SRGAP3: variants seen among roughly 807,000 people sequenced by gnomAD.
The protein encoded by SRGAP3 is SLIT-ROBO Rho GTPase activating protein 3, also known as SLIT-ROBO Rho GTPase-activating protein 3.
In SRGAP3, 39 loss-of-function variants were observed where a neutral mutation model predicts 121.1. The observed-to-expected ratio is 0.32, with a 90% CI of 0.25 to 0.42. The LOEUF (loss-of-function observed/expected upper bound fraction) is 0.42. Among genes scored for constraint, SRGAP3 ranks in the 10% least tolerant of loss-of-function variants. SRGAP3 has a pLI of 1.00. For synonymous variants in SRGAP3, 601 were observed against 570.0 expected, an observed-to-expected ratio of 1.05 and a Z score of -0.77; for missense variants, 1,213 against 1,470.6, an observed-to-expected ratio of 0.82 and a Z score of 2.86.
intron 18 of SRGAP3, chr3:9,008,245 C>T (rs190931146): frequency 2.5e-4 from 38 of 152,578 alleles, no homozygotes; most frequent in African/African-American, 8.4e-4. Context: ...TGGGTGAGTC[C>T]CATGGCTGCT....
At chr3:9,085,689 A>G (rs1218119973) in intron 3 of SRGAP3, among the ~76,000 whole-genome samples, 1 of 152,226 alleles carries the variant, frequency 6.6e-6, no homozygotes, top group Non-Finnish European at 1.5e-5. Context: ...AAGCCATTAT[A>G]CTTAGCAAAC....
intron 2 of SRGAP3, among the ~76,000 whole-genome samples, chr3:9,114,464 A>G (rs1227743111): frequency 6.6e-6 from 1 of 152,132 alleles, no homozygotes; most frequent in Non-Finnish European, 1.5e-5. Context: ...GCAGACTGTT[A>G]TGTGAACTTC....
At chr3:9,035,390 G>C in intron 11 of SRGAP3, 1 of 170,552 alleles carries the variant, frequency 5.9e-6, no homozygotes, top group Non-Finnish European at 1.3e-5. Flanking sequence ...AGGACTGTGT[G>C]AATCACACGA....
chr3:9,210,500 T>G (rs1393376378), intron 1 of SRGAP3, among the ~76,000 whole-genome samples: 1 of 151,400 alleles, frequency 6.6e-6, no homozygotes, highest in Non-Finnish European at 1.5e-5. Context: ...CAATAAAAAT[T>G]TAAAAAATAG....
At chr3:9,226,448 C>T (rs1204026881) in intron 1 of SRGAP3, among the ~76,000 whole-genome samples, 1 of 152,180 alleles carries the variant, frequency 6.6e-6, no homozygotes, top group Non-Finnish European at 1.5e-5. Flanking sequence ...ACCTCCTACG[C>T]CTGGGAGATC....
chr3:9,120,668 C>T (rs996210170), intron 2 of SRGAP3, among the ~76,000 whole-genome samples: 5 of 152,222 alleles, frequency 3.3e-5, no homozygotes, highest in African/African-American at 7.2e-5. Flanking sequence ...CATAAAACCA[C>T]TGATTCCCTC....
intron 1 of SRGAP3, among the ~76,000 whole-genome samples, chr3:9,186,667 C>A (rs1301887674): frequency 6.6e-6 from 1 of 152,172 alleles, no homozygotes; most frequent in Non-Finnish European, 1.5e-5. Context: ...TTGAGCAGGT[C>A]AACTCCCGCC....
At chr3:9,015,033 CA>C (rs371150096) in intron 15 of SRGAP3, among the ~76,000 whole-genome samples, 35 of 152,262 alleles carry the variant, frequency 2.3e-4, no homozygotes, top group African/African-American at 8.2e-4. Context: ...TAGTTTCTCA[CA>C]ACTAACTAGC....
intron 1 of SRGAP3, among the ~76,000 whole-genome samples, chr3:9,184,182 A>G (rs1951523551): frequency 6.6e-6 from 1 of 152,102 alleles, no homozygotes; most frequent in Non-Finnish European, 1.5e-5. Flanking sequence ...CAATCAATTA[A>G]TTAATATTGG....
chr3:9,191,130 G>A (rs753578865), intron 1 of SRGAP3, among the ~76,000 whole-genome samples: 1 of 152,148 alleles, frequency 6.6e-6, no homozygotes, highest in Non-Finnish European at 1.5e-5. Context: ...TGGAGACTGG[G>A]AGAGCATAGG....
At chr3:9,271,612 T>A (rs1954479484) in intron 3 of SRGAP3, among the ~76,000 whole-genome samples, 1 of 151,930 alleles carries the variant, frequency 6.6e-6, no homozygotes, top group South Asian at 2.1e-4. Context: ...CTGAGAGGTG[T>A]CTCATAAACC....
At chr3:9,133,619 G>A (rs953192063) in intron 1 of SRGAP3, among the ~76,000 whole-genome samples, 1 of 152,140 alleles carries the variant, frequency 6.6e-6, no homozygotes, top group African/African-American at 2.4e-5. Flanking sequence ...CATTTAGGTT[G>A]TTTATAATCT....
intron 1 of SRGAP3, among the ~76,000 whole-genome samples, chr3:9,246,215 A>G (rs1953817640): frequency 6.6e-6 from 1 of 152,226 alleles, no homozygotes; most frequent in African/African-American, 2.4e-5. Flanking sequence ...ACTGTTTTTA[A>G]AAATCAAAAG....
At chr3:9,019,630 T>A (rs1489052636) in intron 14 of SRGAP3, among the ~76,000 whole-genome samples, 2 of 152,234 alleles carry the variant, frequency 1.3e-5, no homozygotes, top group Non-Finnish European at 2.9e-5. Flanking sequence ...CATCCTTGGA[T>A]CTTTTTACTC....
intron 3 of SRGAP3, among the ~76,000 whole-genome samples, chr3:9,287,760 T>A (rs1050119691): frequency 6.6e-6 from 1 of 152,248 alleles, no homozygotes; most frequent in East Asian, 1.9e-4. Context: ...TACATGAAAA[T>A]TTTAATTTTT....
At chr3:9,232,952 C>T (rs1330860404) in intron 1 of SRGAP3, among the ~76,000 whole-genome samples, 2 of 152,212 alleles carry the variant, frequency 1.3e-5, no homozygotes, top group African/African-American at 4.8e-5. Context: ...GCCAACTCCA[C>T]GTCTCCTGAT....
chr3:9,280,196 G>T (rs1296146246), intron 3 of SRGAP3, among the ~76,000 whole-genome samples: 1 of 152,238 alleles, frequency 6.6e-6, no homozygotes. Context: ...TGGCGACCAA[G>T]CAAAGGGGAC....
intron 1 of SRGAP3, among the ~76,000 whole-genome samples, chr3:9,154,006 C>G (rs1174469784): frequency 2.0e-5 from 3 of 150,926 alleles, no homozygotes; most frequent in African/African-American, 7.3e-5. Context: ...ACTTGTTTAT[C>G]TGGTTTGAGT....
At chr3:9,361,110 A>G (rs111543545) in intron 1 of SRGAP3, among the ~76,000 whole-genome samples, 66 of 152,074 alleles carry the variant, frequency 4.3e-4, no homozygotes, top group African/African-American at 1.5e-3. Context: ...CATATTTTTC[A>G]TTTTATTTTT....
Sources: allele counts gnomAD v4.1 joint callset (sites outside exome capture counted in the v4.1 genomes callset), GRCh38; gene constraint gnomAD v4.1.1; transcripts MANE v1.5; gene names NCBI Gene and HGNC (gene_info 2026-07-23, HGNC 2026-07-21).